Variants in ANKS1B observed in about 807,000 individuals in gnomAD.
The protein encoded by ANKS1B is ankyrin repeat and sterile alpha motif domain-containing protein 1B.
Under a neutral mutation model 148.3 loss-of-function variants are expected in ANKS1B, and 36 were observed. The observed-to-expected ratio is 0.24, with a 90% confidence interval of 0.19 to 0.32. The LOEUF (loss-of-function observed/expected upper bound fraction) is 0.32, where lower values mean the gene tolerates loss of function less well. Ranked by LOEUF, ANKS1B falls within the 10% of genes least tolerant of loss-of-function variation. ANKS1B has a pLI of 1.00. For missense variants in ANKS1B, 1,157 were observed against 1,542.6 expected, an observed-to-expected ratio of 0.75 and a Z score of 4.19; for synonymous variants, 542 against 560.8, an observed-to-expected ratio of 0.97 and a Z score of 0.47.
chr12:98,772,924 G>T, intron 25 of ANKS1B, 118 bp downstream of exon 25: 1 of 1,115,118 alleles, frequency 9.0e-7, no homozygotes, highest in Non-Finnish European at 1.3e-6. Flanking sequence ...CACTTGGTAT[G>T]TATCTTAATA....
At position 99,910,829 on chromosome 12, in the gene ANKS1B, G is replaced by A. The variant is rs566183880; in HGVS notation, c.134+73275C>T. Among the ~76,000 whole-genome samples the A allele has an allele frequency of 1.1e-4, 16 of 152,194 alleles. No individual in the cohort carries two copies. In the South Asian group the frequency reaches 3.3e-3, roughly 32 times the overall value. On this transcript the variant is annotated intron_variant, in intron 1 of 26. Coordinates refer to ENST00000683438, the MANE Select transcript of ANKS1B (RefSeq NM_001352186.2). Reference sequence around the variant, plus strand: ...GAGAGTTCTGAATTATCAGCCTGCAGTTTATCCACTGAAATTTTAAAATTC... The same window carrying A: ...GAGAGTTCTGAATTATCAGCCTGCAATTTATCCACTGAAATTTTAAAATTC...
At chr12:98,785,817 A>G (rs1052057429) in intron 22 of ANKS1B, among the ~76,000 whole-genome samples, 2 of 152,178 alleles carry the variant, frequency 1.3e-5, no homozygotes, top group Non-Finnish European at 2.9e-5. Context: ...TAATACTCCC[A>G]TATGTTTCTG....
intron 9 of ANKS1B, among the ~76,000 whole-genome samples, chr12:99,609,763 A>G (rs1234452432): frequency 1.3e-5 from 2 of 152,084 alleles, no homozygotes; most frequent in African/African-American, 4.8e-5. Flanking sequence ...GAAAGGATCC[A>G]TAACAAATGG....
chr12:98,903,148 T>C (rs2099774419), intron 17 of ANKS1B, among the ~76,000 whole-genome samples: 1 of 152,132 alleles, frequency 6.6e-6, no homozygotes, highest in South Asian at 2.1e-4. Flanking sequence ...ATAATAAATA[T>C]TAAAACATAA....
chr12:99,075,994 C>A (rs2047755452), intron 16 of ANKS1B, among the ~76,000 whole-genome samples: 1 of 151,440 alleles, frequency 6.6e-6, no homozygotes, highest in Non-Finnish European at 1.5e-5. Context: ...ATATAAAAAT[C>A]AATTTTTCTC....
chr12:99,942,710 CAT>C (rs1451549060), intron 1 of ANKS1B, among the ~76,000 whole-genome samples: 4 of 151,928 alleles, frequency 2.6e-5, no homozygotes, highest in African/African-American at 9.7e-5. Flanking sequence ...GAATGCCCAC[CAT>C]AAACTCAAAA....
chr12:99,411,512 A>T (rs996552408), intron 11 of ANKS1B, among the ~76,000 whole-genome samples: 7 of 152,220 alleles, frequency 4.6e-5, no homozygotes, highest in Admixed American at 6.5e-5. Context: ...CGCAATAAAC[A>T]TATGAGTGCA....
intron 4 of ANKS1B, among the ~76,000 whole-genome samples, chr12:99,782,425 G>A (rs1248836319): frequency 6.6e-6 from 1 of 152,150 alleles, no homozygotes; most frequent in African/African-American, 2.4e-5. Flanking sequence ...CACAGGTGGT[G>A]GTATGTGCCT....
intron 17 of ANKS1B, among the ~76,000 whole-genome samples, chr12:98,957,690 T>A (rs1398921050): frequency 1.3e-5 from 2 of 152,056 alleles, no homozygotes; most frequent in Admixed American, 6.6e-5. Flanking sequence ...GTGAGCTGAT[T>A]GGTAGGGGTG....
intron 17 of ANKS1B, among the ~76,000 whole-genome samples, chr12:98,910,776 A>G (rs571753394): frequency 6.6e-6 from 1 of 152,322 alleles, no homozygotes; most frequent in East Asian, 1.9e-4. Flanking sequence ...ACATAAAAGG[A>G]GCATTCTATA....
At chr12:99,208,593 G>A (rs1601689947) in intron 14 of ANKS1B, among the ~76,000 whole-genome samples, 1 of 151,946 alleles carries the variant, frequency 6.6e-6, no homozygotes, top group African/African-American at 2.4e-5. Context: ...TGTATGCTAC[G>A]GGACATTGAA....
chr12:99,667,756 A>G (rs1193517997), intron 8 of ANKS1B, among the ~76,000 whole-genome samples: 1 of 152,212 alleles, frequency 6.6e-6, no homozygotes, highest in Non-Finnish European at 1.5e-5. Flanking sequence ...CAGTTTACTA[A>G]AAGTTTGTAT....
chr12:99,439,152 C>T (rs1043111813), intron 11 of ANKS1B, among the ~76,000 whole-genome samples: 9 of 151,586 alleles, frequency 5.9e-5, no homozygotes, highest in African/African-American at 1.9e-4. Flanking sequence ...TTGACCCCCA[C>T]CTCACACCAT....
intron 12 of ANKS1B, among the ~76,000 whole-genome samples, chr12:99,361,997 G>GT (rs2092501403): frequency 8.7e-6 from 1 of 114,960 alleles, no homozygotes; most frequent in African/African-American, 5.1e-5. Context: ...ATGCCATGTA[G>GT]GAAGATAATT....
intron 15 of ANKS1B, among the ~76,000 whole-genome samples, chr12:99,129,514 T>C (rs1247227921): frequency 6.6e-6 from 1 of 152,186 alleles, no homozygotes; most frequent in African/African-American, 2.4e-5. Flanking sequence ...TTTAAATACA[T>C]GCCACTTTGG....
At chr12:99,372,741 C>CA (rs1207391683) in intron 12 of ANKS1B, among the ~76,000 whole-genome samples, 1 of 152,064 alleles carries the variant, frequency 6.6e-6, no homozygotes, top group Non-Finnish European at 1.5e-5. Flanking sequence ...AATGTTACTG[C>CA]AAAAGTACAC....
chr12:99,367,261 TG>T (rs1273840361), intron 12 of ANKS1B, among the ~76,000 whole-genome samples: 1 of 152,104 alleles, frequency 6.6e-6, no homozygotes, highest in East Asian at 1.9e-4. Flanking sequence ...GCAAAAGACG[TG>T]GGCATTTCAT....
In ANKS1B at chr12:99,172,533, G is replaced by GTTCAACAGCTGACTGGAC. The variant is rs1254151131; in HGVS notation, c.2420-18156_2420-18139dup. Among the ~76,000 whole-genome samples, 3 of 152,160 alleles carry GTTCAACAGCTGACTGGAC rather than the reference G, an allele frequency of 2.0e-5. No individual in the cohort carries two copies. In the East Asian group the frequency reaches 5.8e-4, roughly 29 times the overall value. ...GTTTCCTAGAACAAAGTAAGCCCTGGTTCAACAGCTGACTGGACTTCCTGT... is the reference window on the plus strand; with the variant it reads ...GTTTCCTAGAACAAAGTAAGCCCTGGTTCAACAGCTGACTGGACTTCAACAGCTGACTGGACTTCCTGT... On this transcript the variant is annotated intron_variant, in intron 14 of 26. Transcript: ENST00000683438.
intron 15 of ANKS1B, among the ~76,000 whole-genome samples, chr12:99,130,986 A>G (rs1005527864): frequency 6.6e-6 from 1 of 152,178 alleles, no homozygotes; most frequent in African/African-American, 2.4e-5. Flanking sequence ...GAGTTAAACA[A>G]GACTTCTATG....
Sources: gnomAD v4.1 joint callset for allele counts (sites outside exome capture counted in the v4.1 genomes callset) on GRCh38, gnomAD v4.1.1 for gene constraint, MANE v1.5 for transcripts, NCBI Gene and HGNC (gene_info 2026-07-23, HGNC 2026-07-21) for gene names.